ARRB1: variants seen among roughly 807,000 people sequenced by gnomAD.
ARRB1 encodes beta-arrestin-1.
In ARRB1, 21 loss-of-function variants were observed where a neutral mutation model predicts 56.8. That is an observed-to-expected ratio of 0.37 (90% CI 0.26 to 0.53). The LOEUF (loss-of-function observed/expected upper bound fraction) is 0.53. ARRB1 is among the 20% of genes least tolerant of loss of function. The pLI is 0.88. For missense variants in ARRB1, 424 were observed against 553.7 expected (o/e 0.77, Z 2.35); for synonymous variants, 210 against 218.6 (o/e 0.96, Z 0.35).
At chr11:75,293,748 G>A (rs1441234031) in intron 1 of ARRB1, among the ~76,000 whole-genome samples, 1 of 152,118 alleles carries the variant, frequency 6.6e-6, no homozygotes, top group Non-Finnish European at 1.5e-5. Flanking sequence ...AAAGGGGGAG[G>A]GCATGTTATA....
chr11:75,268,725 C>G (rs921788675), intron 14 of ARRB1, among the ~76,000 whole-genome samples, 164 bp downstream of exon 14: 1 of 152,090 alleles, frequency 6.6e-6, no homozygotes, highest in African/African-American at 2.4e-5. Flanking sequence ...CTCACTGTCT[C>G]CTGGTGGGGT....
chr11:75,347,209 C>T (rs1172228629), intron 1 of ARRB1, among the ~76,000 whole-genome samples: 3 of 152,210 alleles, frequency 2.0e-5, no homozygotes, highest in South Asian at 2.1e-4. Context: ...GCCCAGAGGC[C>T]GGCCTGGAAT....
intron 3 of ARRB1, 161 bp from the exon 4 acceptor site, chr11:75,284,440 C>G: frequency 1.8e-6 from 1 of 563,204 alleles, no homozygotes; most frequent in Non-Finnish European, 3.0e-6. Flanking sequence ...TGCCCACCTC[C>G]ACCACGCTCC....
chr11:75,304,827 G>T (rs2140469897), intron 1 of ARRB1, among the ~76,000 whole-genome samples: 1 of 151,906 alleles, frequency 6.6e-6, no homozygotes, highest in Admixed American at 6.6e-5. Flanking sequence ...ACTCTGGGAG[G>T]CTGAAGTGGG....
intron 1 of ARRB1, among the ~76,000 whole-genome samples, chr11:75,332,873 C>T (rs1479491249): frequency 2.0e-5 from 3 of 151,788 alleles, no homozygotes; most frequent in East Asian, 1.9e-4. Context: ...CTGGCCTGGG[C>T]GACAGAGTGA....
chr11:75,288,249 G>T (rs1946527525), intron 2 of ARRB1, among the ~76,000 whole-genome samples: 1 of 152,190 alleles, frequency 6.6e-6, no homozygotes, highest in African/African-American at 2.4e-5. Context: ...TTGTGGAAAG[G>T]TGACATCCAG....
chr11:75,344,563 A>G (rs1313265137), intron 1 of ARRB1, among the ~76,000 whole-genome samples: 2 of 152,154 alleles, frequency 1.3e-5, no homozygotes, highest in Non-Finnish European at 2.9e-5. Flanking sequence ...GCAAGGGTGA[A>G]GAGGGAACAA....
At chr11:75,270,123 C>A (rs779016476) in intron 13 of ARRB1, among the ~76,000 whole-genome samples, 17 of 152,276 alleles carry the variant, frequency 1.1e-4, no homozygotes, top group Non-Finnish European at 1.6e-4. Flanking sequence ...CAACTTGGAA[C>A]AAAGCCTGTC....
At chr11:75,351,528 C>G in intron 1 of ARRB1, 60 bp downstream of exon 1, 1 of 1,497,672 alleles carries the variant, frequency 6.7e-7, no homozygotes, top group Non-Finnish European at 8.9e-7. Flanking sequence ...GAGCCCCCGC[C>G]CGTGTCCTCG....
chr11:75,274,290 T>G, intron 10 of ARRB1, 79 bp from the exon 11 acceptor site: 1 of 1,569,292 alleles, frequency 6.4e-7, no homozygotes, highest in Non-Finnish European at 8.7e-7. Context: ...CAGCAGAATA[T>G]CTAGTCTGAG....
intron 14 of ARRB1, among the ~76,000 whole-genome samples, chr11:75,268,510 C>CAAAAAAAAAAA (rs61409833): frequency 1.6e-5 from 1 of 61,422 alleles, no homozygotes; most frequent in Non-Finnish European, 3.4e-5. Flanking sequence ...GTCTCAAAAC[C>CAAAAAAAAAAA]AAAAAAAAAA....
chr11:75,263,442 G>A lies in ARRB1; in HGVS notation c.*2721C>T, dbSNP rs1282392864. Among the ~76,000 whole-genome samples, 2 of 152,248 alleles carry A rather than the reference G, an allele frequency of 1.3e-5. No individual in the cohort carries two copies. On this transcript the variant is annotated 3_prime_UTR_variant, in exon 16 of 16. Transcript: ENST00000420843. ...AGGGGTGCTAAAATCCAACCTGTGTGTCACTCCCAAAGCTGTGCGTTCTAG... is the reference window on the plus strand; with the variant it reads ...AGGGGTGCTAAAATCCAACCTGTGTATCACTCCCAAAGCTGTGCGTTCTAG...
intron 1 of ARRB1, among the ~76,000 whole-genome samples, chr11:75,298,510 T>G (rs550183877): frequency 6.6e-6 from 1 of 152,172 alleles, no homozygotes; most frequent in Non-Finnish European, 1.5e-5. Flanking sequence ...CCCATTAAGA[T>G]GGCTATACTC....
chr11:75,309,677 G>A (rs1047557361), intron 1 of ARRB1, among the ~76,000 whole-genome samples: 1 of 152,208 alleles, frequency 6.6e-6, no homozygotes, highest in Non-Finnish European at 1.5e-5. Flanking sequence ...GGGTATATGA[G>A]GAGTCCTGGG....
chr11:75,294,615 A>G (rs1410982026), intron 1 of ARRB1, among the ~76,000 whole-genome samples: 3 of 27,546 alleles, frequency 1.1e-4, no homozygotes, highest in Non-Finnish European at 1.0e-4. Flanking sequence ...ATAACTTAAA[A>G]TATTTTTTTA....
At position 75,286,255 on chromosome 11, in the gene ARRB1, C is replaced by CTTTTTTTTTTTTTTTTTTTTTTTTTTT. The variant is rs60988072; in HGVS notation, c.112+1033_112+1059dup. Reference sequence around the variant, plus strand: ...CTAGGCCTCACTTTGATTTGCTCATCTTTTTTTTTTTTTTTTTTTTTTTTT... The same window carrying CTTTTTTTTTTTTTTTTTTTTTTTTTTT: ...CTAGGCCTCACTTTGATTTGCTCATCTTTTTTTTTTTTTTTTTTTTTTTTTTTTTTTTTTTTTTTTTTTTTTTTTTTT... On this transcript the variant is annotated intron_variant, in intron 3 of 15. Transcript: ENST00000420843. 5.2e-5 allele frequency among the ~76,000 whole-genome samples: 2 copies of CTTTTTTTTTTTTTTTTTTTTTTTTTTT among 38,678 alleles called. 1 individual carries two copies. Among genetic ancestry groups the CTTTTTTTTTTTTTTTTTTTTTTTTTTT allele is most frequent in the African/African-American group, 2.2e-4 (2 of 9,246 alleles). The allele number at this position is 38,678 out of a possible 152,430, so 25.4% of individuals were successfully genotyped here.
At chr11:75,326,826 T>C (rs1055877530) in intron 1 of ARRB1, among the ~76,000 whole-genome samples, 3 of 145,950 alleles carry the variant, frequency 2.1e-5, no homozygotes, top group African/African-American at 5.1e-5. Flanking sequence ...TACCTCAGCC[T>C]CTCGAGTAGC....
At chr11:75,319,772 G>A (rs1947318013) in intron 1 of ARRB1, among the ~76,000 whole-genome samples, 1 of 152,178 alleles carries the variant, frequency 6.6e-6, no homozygotes, top group South Asian at 2.1e-4. Flanking sequence ...GACAGGGAAA[G>A]GGACCGTAAG....
chr11:75,319,313 C>T (rs1048650565), intron 1 of ARRB1, among the ~76,000 whole-genome samples: 7 of 152,218 alleles, frequency 4.6e-5, no homozygotes, highest in African/African-American at 1.7e-4. Flanking sequence ...AAGCCCAGGC[C>T]CGCAGCACAG....
Sources: allele counts gnomAD v4.1 joint callset (sites outside exome capture counted in the v4.1 genomes callset), GRCh38; gene constraint gnomAD v4.1.1; transcripts MANE v1.5; gene names NCBI Gene and HGNC (gene_info 2026-07-23, HGNC 2026-07-21).